The following ADAMTS17 variants were observed in gnomAD, a reference collection of about 807,000 sequenced individuals.
ADAMTS17 encodes ADAM metallopeptidase with thrombospondin type 1 motif 17, also known as A disintegrin and metalloproteinase with thrombospondin motifs 17.
Under a neutral mutation model 141.5 loss-of-function variants are expected in ADAMTS17, and 113 were observed. That is an observed-to-expected ratio of 0.80 (90% CI 0.69 to 0.93). The LOEUF (loss-of-function observed/expected upper bound fraction) is 0.93. ADAMTS17 is among the 40% of genes least tolerant of loss of function. The probability of loss-of-function intolerance (pLI) is 0.00; values close to 1 mark genes in which losing one functional copy is unlikely to be tolerated. For synonymous variants in ADAMTS17, 768 were observed against 630.6 expected, an observed-to-expected ratio of 1.22 and a Z score of -3.27; for missense variants, 1,659 against 1,517.9, an observed-to-expected ratio of 1.09 and a Z score of -1.54.
At chr15:100,071,233 A>G (rs1367913858) in intron 15 of ADAMTS17, among the ~76,000 whole-genome samples, 2 of 150,332 alleles carry the variant, frequency 1.3e-5, no homozygotes, top group Non-Finnish European at 3.0e-5. Context: ...CAGGCTCAGA[A>G]ATTGAGGCAA....
At chr15:100,216,747 C>T (rs1327663180) in intron 7 of ADAMTS17, among the ~76,000 whole-genome samples, 1 of 152,194 alleles carries the variant, frequency 6.6e-6, no homozygotes, top group African/African-American at 2.4e-5. Flanking sequence ...TCCTGACGTT[C>T]CAGGCCCACC....
At chr15:100,226,728 G>A (rs781087148) in intron 7 of ADAMTS17, among the ~76,000 whole-genome samples, 8 of 152,210 alleles carry the variant, frequency 5.3e-5, no homozygotes, top group Non-Finnish European at 1.0e-4. Flanking sequence ...CCTTGTGGAT[G>A]CAGAGAAACC....
At chr15:100,258,122 A>T (rs960455808) in intron 6 of ADAMTS17, among the ~76,000 whole-genome samples, 9 of 152,212 alleles carry the variant, frequency 5.9e-5, no homozygotes, top group African/African-American at 2.2e-4. Flanking sequence ...TCATCCATCA[A>T]TGGACATATA....
intron 7 of ADAMTS17, among the ~76,000 whole-genome samples, chr15:100,200,707 C>T (rs1433744208): frequency 5.3e-5 from 8 of 152,298 alleles, no homozygotes; most frequent in East Asian, 1.9e-4. Flanking sequence ...CGCCATGGGG[C>T]GGATGACGGC....
intron 7 of ADAMTS17, among the ~76,000 whole-genome samples, chr15:100,239,616 C>T (rs905052372): frequency 1.3e-5 from 2 of 152,126 alleles, no homozygotes; most frequent in African/African-American, 4.8e-5. Context: ...GTGTTGGAGA[C>T]GGGCTCTGGA....
chr15:100,153,485 C>T (rs903982764), intron 9 of ADAMTS17, among the ~76,000 whole-genome samples: 1 of 152,010 alleles, frequency 6.6e-6, no homozygotes, highest in African/African-American at 2.4e-5. Flanking sequence ...CTACTAAAAA[C>T]ACACAAATTA....
intron 18 of ADAMTS17, among the ~76,000 whole-genome samples, chr15:100,038,514 T>C (rs1051140097): frequency 6.6e-6 from 1 of 152,192 alleles, no homozygotes; most frequent in Admixed American, 6.5e-5. Flanking sequence ...ATTTGAGATA[T>C]TTTTGTAGTT....
Position 100,334,584 on chromosome 15 carries a change from G to T in ADAMTS17, c.451-3530C>A, listed in dbSNP as rs117448505. Among the ~76,000 whole-genome samples, 533 of 152,142 alleles carry T rather than the reference G, an allele frequency of 3.5e-3. 25 individuals carry two copies. The East Asian group carries it at 0.092, about 26-fold the overall frequency. ...GGCACACACCTCTTTCGATCCTCCC[G>T]TCCTGCCCCCCGACTCTCGGGTGGG... On this transcript the variant is annotated intron_variant, in intron 2 of 21. Coordinates refer to ENST00000268070, the MANE Select transcript of ADAMTS17 (RefSeq NM_139057.4).
chr15:100,324,964 G>T (rs1012327456), intron 3 of ADAMTS17, among the ~76,000 whole-genome samples: 1 of 152,198 alleles, frequency 6.6e-6, no homozygotes, highest in African/African-American at 2.4e-5. Flanking sequence ...CCCTCAAATT[G>T]TTATCAAGAG....
intron 3 of ADAMTS17, among the ~76,000 whole-genome samples, chr15:100,311,797 G>C (rs909878194): frequency 2.0e-5 from 3 of 151,030 alleles, no homozygotes; most frequent in Non-Finnish European, 4.4e-5. Context: ...TGGGTTCTCA[G>C]AGAGAACATG....
intron 7 of ADAMTS17, among the ~76,000 whole-genome samples, chr15:100,230,850 C>T (rs1313990548): frequency 3.9e-5 from 5 of 129,796 alleles, no homozygotes; most frequent in African/African-American, 1.4e-4. Flanking sequence ...CCTCCTGAAA[C>T]AGGTGTTGGG....
chr15:100,224,202 G>A (rs766766643), intron 7 of ADAMTS17, among the ~76,000 whole-genome samples: 5 of 152,104 alleles, frequency 3.3e-5, no homozygotes, highest in Non-Finnish European at 7.3e-5. Flanking sequence ...GTTGACACTC[G>A]GTATTAACCA....
At chr15:100,011,888 T>A (rs570628728) in intron 18 of ADAMTS17, among the ~76,000 whole-genome samples, 1 of 152,342 alleles carries the variant, frequency 6.6e-6, no homozygotes, top group South Asian at 2.1e-4. Flanking sequence ...AATGACTTCT[T>A]TTCCTGTGGG....
rs2035478279 is a variant in ADAMTS17, at chr15:100,091,663, T to C, written c.2137+4693A>G. 3.3e-5 allele frequency among the ~76,000 whole-genome samples: 5 copies of C among 152,218 alleles called. 1 individual carries two copies. The highest frequency in any genetic ancestry group is 3.2e-3 in the Middle Eastern group (1 of 316). On this transcript the variant is annotated intron_variant, in intron 15 of 21. Transcript: ENST00000268070. The stretch of plus-strand genomic sequence containing the variant: ...GTCTTGGGGCTCCCATTTTTCCTCA[T>C]GTTTTCAGGAGCATTAACCATCTTT...
intron 8 of ADAMTS17, among the ~76,000 whole-genome samples, chr15:100,187,313 G>C (rs532802220): frequency 6.6e-6 from 1 of 152,308 alleles, no homozygotes; most frequent in Non-Finnish European, 1.5e-5. Context: ...GCTTTAGGGT[G>C]CTCTTCGACT....
intron 18 of ADAMTS17, among the ~76,000 whole-genome samples, chr15:100,027,782 C>T (rs138609290): frequency 2.0e-5 from 3 of 152,294 alleles, no homozygotes; most frequent in East Asian, 1.9e-4. Flanking sequence ...CTTTGATACT[C>T]GAAGGATAGT....
chr15:100,299,551 T>A (rs2044952619), intron 3 of ADAMTS17, among the ~76,000 whole-genome samples: 1 of 149,474 alleles, frequency 6.7e-6, no homozygotes, highest in Non-Finnish European at 1.5e-5. Context: ...AACACACAGC[T>A]TGGGGGAAGA....
intron 7 of ADAMTS17, among the ~76,000 whole-genome samples, chr15:100,249,860 A>G (rs1006381185): frequency 1.3e-5 from 2 of 152,236 alleles, no homozygotes; most frequent in Admixed American, 1.3e-4. Context: ...ACACTCATTA[A>G]AACACTTAAC....
chr15:100,147,783 G>T (rs1400616164), intron 10 of ADAMTS17, among the ~76,000 whole-genome samples: 1 of 152,122 alleles, frequency 6.6e-6, no homozygotes, highest in Admixed American at 6.5e-5. Context: ...AGTTTCCTAT[G>T]GCAAATCTGT....
Sources: allele counts gnomAD v4.1 joint callset (sites outside exome capture counted in the v4.1 genomes callset), GRCh38; gene constraint gnomAD v4.1.1; transcripts MANE v1.5; gene names NCBI Gene and HGNC (gene_info 2026-07-23, HGNC 2026-07-21).